The following KAZN variants were observed in gnomAD, a reference collection of about 807,000 sequenced individuals.
KAZN encodes the protein kazrin.
In KAZN, 40 loss-of-function variants were observed where a neutral mutation model predicts 87.4. The ratio of observed to expected loss-of-function variants is 0.46; its 90% CI spans 0.36 to 0.60. The LOEUF is 0.60. Ranked by LOEUF, KAZN falls within the 20% of genes least tolerant of loss-of-function variation. KAZN has a pLI of 0.00. For missense variants in KAZN, 898 were observed against 1,073.9 expected, an observed-to-expected ratio of 0.84 and a Z score of 2.29; for synonymous variants, 466 against 458.3, an observed-to-expected ratio of 1.02 and a Z score of -0.22.
intron 1 of KAZN, among the ~76,000 whole-genome samples, chr1:14,803,773 G>T (rs1334229452): frequency 4.6e-5 from 7 of 152,224 alleles, no homozygotes; most frequent in Non-Finnish European, 1.0e-4. Flanking sequence ...TCCACGGAGG[G>T]CTGGCACTCC....
intron 1 of KAZN, among the ~76,000 whole-genome samples, chr1:13,933,554 T>C (rs370551760): frequency 5.9e-5 from 9 of 152,214 alleles, no homozygotes; most frequent in South Asian, 2.1e-4. Flanking sequence ...CCTTCATTCA[T>C]TGGACAAGTG....
chr1:13,961,188 T>C (rs1641736443), intron 1 of KAZN, among the ~76,000 whole-genome samples: 1 of 152,178 alleles, frequency 6.6e-6, no homozygotes, highest in Non-Finnish European at 1.5e-5. Flanking sequence ...GGTTCGCGTG[T>C]GTGTGGAGTC....
chr1:14,519,185 G>T (rs1270337169), intron 2 of KAZN, among the ~76,000 whole-genome samples: 1 of 152,016 alleles, frequency 6.6e-6, no homozygotes, highest in Non-Finnish European at 1.5e-5. Context: ...AAAGTTTCTG[G>T]AATCAAAGAA....
chr1:15,091,937 C>T (rs1640549652), intron 8 of KAZN, among the ~76,000 whole-genome samples: 1 of 151,804 alleles, frequency 6.6e-6, no homozygotes, highest in South Asian at 2.1e-4. Context: ...GACTTATCAC[C>T]TATTGTTTTA....
intron 2 of KAZN, among the ~76,000 whole-genome samples, chr1:14,218,333 G>T (rs1416207105): frequency 6.6e-6 from 1 of 152,082 alleles, no homozygotes; most frequent in Admixed American, 6.5e-5. Flanking sequence ...GTACTGAAAA[G>T]GCTTAGAAAG....
At chr1:14,218,334 G>A (rs1454119164) in intron 2 of KAZN, among the ~76,000 whole-genome samples, 1 of 152,084 alleles carries the variant, frequency 6.6e-6, no homozygotes, top group Non-Finnish European at 1.5e-5. Context: ...TACTGAAAAG[G>A]CTTAGAAAGA....
intron 2 of KAZN, among the ~76,000 whole-genome samples, chr1:14,478,866 A>G (rs943774246): frequency 7.2e-5 from 11 of 152,330 alleles, no homozygotes; most frequent in African/African-American, 2.6e-4. Flanking sequence ...AAAGGCTTGG[A>G]TACAGGTAGT....
intron 1 of KAZN, among the ~76,000 whole-genome samples, chr1:14,077,205 T>C: frequency 6.6e-6 from 1 of 152,170 alleles, no homozygotes; most frequent in Non-Finnish European, 1.5e-5. Context: ...GACAGTTCTT[T>C]GATCCCAGGT....
chr1:14,299,364 G>T (rs1400040251), intron 2 of KAZN, among the ~76,000 whole-genome samples: 1 of 151,990 alleles, frequency 6.6e-6, no homozygotes, highest in Admixed American at 6.6e-5. Flanking sequence ...TTAGCCAGGC[G>T]TGTTGGCATG....
chr1:14,681,743 C>G (rs1640670450), intron 1 of KAZN, among the ~76,000 whole-genome samples: 1 of 126,474 alleles, frequency 7.9e-6, no homozygotes, highest in Admixed American at 8.7e-5. Flanking sequence ...GTGGCGCAAT[C>G]TTGGCTCACT....
intron 1 of KAZN, among the ~76,000 whole-genome samples, chr1:14,145,651 G>T (rs1206455638): frequency 6.6e-6 from 1 of 151,832 alleles, no homozygotes. Flanking sequence ...TGTGATCTTG[G>T]CTCATTGCAA....
At chr1:14,056,560 C>A (rs1405718732) in intron 1 of KAZN, among the ~76,000 whole-genome samples, 1 of 152,198 alleles carries the variant, frequency 6.6e-6, no homozygotes, top group African/African-American at 2.4e-5. Context: ...GAGAATAAAT[C>A]TATGTTGCTT....
chr1:14,060,129 C>T (rs764457366), intron 1 of KAZN, among the ~76,000 whole-genome samples: 1 of 151,906 alleles, frequency 6.6e-6, no homozygotes, highest in East Asian at 1.9e-4. Context: ...TTTGGGAGGC[C>T]GAGGCGGGCG....
intron 1 of KAZN, among the ~76,000 whole-genome samples, chr1:14,010,754 A>G (rs1348958281): frequency 6.6e-6 from 1 of 152,254 alleles, no homozygotes; most frequent in Non-Finnish European, 1.5e-5. Flanking sequence ...CAGAGGTGTC[A>G]AAGCCCAAAA....
chr1:14,906,541 A>G (rs975757927), intron 1 of KAZN, among the ~76,000 whole-genome samples: 17 of 151,806 alleles, frequency 1.1e-4, no homozygotes, highest in African/African-American at 3.1e-4. Flanking sequence ...TGTAAAGTTT[A>G]TTTTACTTTC....
chr1:14,708,009 ATT>A (rs33952668), intron 1 of KAZN, among the ~76,000 whole-genome samples: 93,318 of 151,762 alleles, frequency 0.61, 28,959 homozygotes, highest in East Asian at 0.79. Flanking sequence ...GAAAGTGTTC[ATT>A]TTGAAATCCC....
At chr1:14,079,181 G>A (rs758756995) in intron 1 of KAZN, among the ~76,000 whole-genome samples, 1 of 152,232 alleles carries the variant, frequency 6.6e-6, no homozygotes, top group Non-Finnish European at 1.5e-5. Flanking sequence ...AGAAGGCAGA[G>A]AAGGAACAGA....
intron 2 of KAZN, among the ~76,000 whole-genome samples, chr1:14,263,095 T>C (rs1651207183): frequency 6.6e-6 from 1 of 152,220 alleles, no homozygotes; most frequent in African/African-American, 2.4e-5. Context: ...TCTGAGATTT[T>C]AGCGGGAACC....
intron 2 of KAZN, among the ~76,000 whole-genome samples, chr1:14,404,176 G>A (rs1434071221): frequency 2.6e-5 from 4 of 152,138 alleles, no homozygotes; most frequent in African/African-American, 9.7e-5. Flanking sequence ...CTACCTAGTT[G>A]ACGCTGTATT....
Sources: gnomAD v4.1 joint callset for allele counts (sites outside exome capture counted in the v4.1 genomes callset) on GRCh38, gnomAD v4.1.1 for gene constraint, MANE v1.5 for transcripts, NCBI Gene and HGNC (gene_info 2026-07-23, HGNC 2026-07-21) for gene names.